Variants in NUMB observed in about 807,000 individuals in gnomAD.
The protein encoded by NUMB is NUMB endocytic adaptor protein, also known as protein numb homolog.
Under a neutral mutation model 59.7 loss-of-function variants are expected in NUMB, and 29 were observed. The ratio of observed to expected loss-of-function variants is 0.49; its 90% CI spans 0.36 to 0.66. The LOEUF is 0.66. Ranked by LOEUF, NUMB falls within the 30% of genes least tolerant of loss-of-function variation. NUMB has a pLI of 0.00. For synonymous variants in NUMB, 288 were observed against 288.2 expected, an observed-to-expected ratio of 1.00 and a Z score of 0.01; for missense variants, 723 against 822.0, an observed-to-expected ratio of 0.88 and a Z score of 1.47.
At chr14:73,352,496 A>ATGTTTT (rs1893409985) in intron 4 of NUMB, among the ~76,000 whole-genome samples, 1 of 10,152 alleles carries the variant, frequency 9.9e-5, no homozygotes, top group African/African-American at 4.4e-4. Flanking sequence ...ATATATATAT[A>ATGTTTT]TATATATATA....
At chr14:73,311,463 G>T (rs1236301817) in intron 6 of NUMB, among the ~76,000 whole-genome samples, 1 of 152,142 alleles carries the variant, frequency 6.6e-6, no homozygotes, top group African/African-American at 2.4e-5. Flanking sequence ...GCCTGTAACA[G>T]ACCCAGGTTT....
intron 4 of NUMB, among the ~76,000 whole-genome samples, chr14:73,353,078 T>G (rs111278586): frequency 3.5e-5 from 1 of 28,332 alleles, no homozygotes; most frequent in Non-Finnish European, 6.4e-5. Flanking sequence ...TCTTGTTTTT[T>G]TTTTTTTTTT....
At chr14:73,309,252 C>T (rs1242919165) in intron 6 of NUMB, among the ~76,000 whole-genome samples, 1 of 152,138 alleles carries the variant, frequency 6.6e-6, no homozygotes, top group Non-Finnish European at 1.5e-5. Context: ...AATCATTCTA[C>T]TATAAAGACA....
chr14:73,328,537 C>T (rs773519859), intron 4 of NUMB, among the ~76,000 whole-genome samples: 2 of 152,136 alleles, frequency 1.3e-5, no homozygotes, highest in Non-Finnish European at 2.9e-5. Context: ...TTTTACCTTC[C>T]CACCTGCAAT....
chr14:73,389,286 AAAAAAAACAAAAAC>A (rs1294381145), intron 2 of NUMB, among the ~76,000 whole-genome samples: 3 of 97,884 alleles, frequency 3.1e-5, no homozygotes, highest in African/African-American at 2.1e-4. Flanking sequence ...AAAAAAAAAA[AAAAAAAACAAAAAC>A]AAAAACACTG....
intron 1 of NUMB, among the ~76,000 whole-genome samples, chr14:73,456,964 C>T (rs1258848501): frequency 6.6e-6 from 1 of 152,044 alleles, no homozygotes; most frequent in Non-Finnish European, 1.5e-5. Context: ...GAAGTCAGGT[C>T]TTTATCGTCT....
At chr14:73,430,869 A>C (rs1477940265) in intron 1 of NUMB, among the ~76,000 whole-genome samples, 2 of 151,678 alleles carry the variant, frequency 1.3e-5, no homozygotes, top group Non-Finnish European at 2.9e-5. Context: ...GGTGTGAACC[A>C]GGGAGGCGGA....
intron 1 of NUMB, among the ~76,000 whole-genome samples, chr14:73,435,074 T>C (rs1897993615): frequency 6.6e-6 from 1 of 152,126 alleles, no homozygotes; most frequent in Non-Finnish European, 1.5e-5. Context: ...GTGTGCAATA[T>C]ATTTAATCAT....
intron 1 of NUMB, among the ~76,000 whole-genome samples, chr14:73,428,948 TA>T (rs1428214800): frequency 6.6e-6 from 1 of 152,160 alleles, no homozygotes; most frequent in Admixed American, 6.6e-5. Context: ...AAAAAACACA[TA>T]ACTATGTAAC....
At chr14:73,397,851 T>C (rs1306700414) in intron 2 of NUMB, among the ~76,000 whole-genome samples, 11 of 152,110 alleles carry the variant, frequency 7.2e-5, no homozygotes, top group Non-Finnish European at 1.3e-4. Context: ...AAAGAAGACA[T>C]TGATATTTAA....
Position 73,454,994 on chromosome 14 carries a change from G to A in NUMB, c.-233+3499C>T, listed in dbSNP as rs369386626. 4.6e-5 allele frequency among the ~76,000 whole-genome samples: 7 copies of A among 152,146 alleles called. No homozygotes were observed. The South Asian group carries it at 6.2e-4, about 14-fold the overall frequency. Reference sequence around the variant, plus strand: ...CAAGAAATCAAAAGCTTTCCTTCTCGAAACTTATGTCACAGAAAAAAAGCA... The same window carrying A: ...CAAGAAATCAAAAGCTTTCCTTCTCAAAACTTATGTCACAGAAAAAAAGCA... On this transcript the variant is annotated intron_variant, in intron 1 of 12. Coordinates refer to ENST00000555238, the MANE Select transcript of NUMB (RefSeq NM_001005743.2).
intron 4 of NUMB, among the ~76,000 whole-genome samples, chr14:73,347,436 T>C (rs1424491328): frequency 2.6e-5 from 4 of 151,894 alleles, no homozygotes; most frequent in Non-Finnish European, 5.9e-5. Flanking sequence ...TTATGCCCCA[T>C]GTAATTCTTC....
At chr14:73,298,021 T>A (rs899928452) in intron 6 of NUMB, 4 of 152,122 alleles carry the variant, frequency 2.6e-5, no homozygotes, top group Non-Finnish European at 5.9e-5. Context: ...CCCGACTAGC[T>A]GGGATTACAG....
chr14:73,277,980 C>T lies in NUMB; in HGVS notation c.1241-687G>A, dbSNP rs1888297268. Among the ~76,000 whole-genome samples the T allele has an allele frequency of 2.1e-5, 3 of 139,906 alleles. No individual in the cohort carries two copies. The South Asian group carries it at 6.8e-4, about 32-fold the overall frequency. The allele number at this position is 139,906 out of a possible 152,430, so 91.8% of individuals were successfully genotyped here. A position where few individuals can be genotyped will look rare whatever the true frequency, so the allele number is the denominator to read the frequency against. On this transcript the variant is annotated intron_variant, in intron 12 of 12. Transcript: ENST00000555238. ...GGCTGAGGCAAGAGAGTTGCTTGAA[C>T]CTGAGAGGCAGAGGGTGCAGTGAAC... is the stretch of plus-strand genomic sequence containing the variant.
At chr14:73,349,880 A>G (rs1466508549) in intron 4 of NUMB, among the ~76,000 whole-genome samples, 2 of 151,140 alleles carry the variant, frequency 1.3e-5, no homozygotes, top group Non-Finnish European at 3.0e-5. Context: ...CTCCGTCTCA[A>G]GAAAAAAAAC....
At chr14:73,285,236 T>C (rs1566725845) in intron 9 of NUMB, 3 of 152,194 alleles carry the variant, frequency 2.0e-5, no homozygotes, top group Non-Finnish European at 2.9e-5. Context: ...TTTGAGTAAA[T>C]GTAAGACTGT....
chr14:73,405,984 C>T (rs189189605), intron 2 of NUMB, among the ~76,000 whole-genome samples: 7 of 152,210 alleles, frequency 4.6e-5, no homozygotes, highest in African/African-American at 1.7e-4. Flanking sequence ...TGGGACAGAT[C>T]TGAATAACAC....
chr14:73,402,351 A>T (rs1896458918), intron 2 of NUMB, among the ~76,000 whole-genome samples: 1 of 152,214 alleles, frequency 6.6e-6, no homozygotes, highest in Admixed American at 6.5e-5. Flanking sequence ...CATAAAAATA[A>T]TAACTAAAAA....
intron 2 of NUMB, among the ~76,000 whole-genome samples, chr14:73,374,884 C>T (rs1405798898): frequency 6.6e-6 from 1 of 151,954 alleles, no homozygotes; most frequent in Non-Finnish European, 1.5e-5. Context: ...CCATGCCCAG[C>T]TAATTTTTGC....
Sources: gnomAD v4.1 joint callset for allele counts (sites outside exome capture counted in the v4.1 genomes callset) on GRCh38, gnomAD v4.1.1 for gene constraint, MANE v1.5 for transcripts, NCBI Gene and HGNC (gene_info 2026-07-23, HGNC 2026-07-21) for gene names.